CISTR: variants seen among roughly 807,000 people sequenced by gnomAD.
CISTR encodes chondrogenic regulator lncRNA.
At chr12:53,749,397 G>C (rs1937820747) in intron 2 of CISTR, among the ~76,000 whole-genome samples, 1 of 151,916 alleles carries the variant, frequency 6.6e-6, no homozygotes, top group Admixed American at 6.6e-5. Flanking sequence ...GCTGTTGAGA[G>C]GGAGGCAGAC....
chr12:53,753,902 C>T (rs555584734), intron 1 of CISTR, among the ~76,000 whole-genome samples: 15 of 152,014 alleles, frequency 9.9e-5, no homozygotes, highest in African/African-American at 3.6e-4. Context: ...GTAGCTCTAC[C>T]GTGACCCTGG....
At position 53,751,418 on chromosome 12, in the gene CISTR, C is replaced by G. The variant is rs779474696; in HGVS notation, n.415-453G>C. 6.6e-6 allele frequency among the ~76,000 whole-genome samples: 1 copy of G among 152,206 alleles called. No individual in the cohort carries two copies. The highest frequency in any genetic ancestry group is 1.5e-5 in the Non-Finnish European group (1 of 68,028). Reference sequence around the variant, plus strand: ...GCCCTGTCGCCTCCCACCCCCCTTCCGGCCGCGGCAGTTTCCGAAATCGCC... The same window carrying G: ...GCCCTGTCGCCTCCCACCCCCCTTCGGGCCGCGGCAGTTTCCGAAATCGCC... On this transcript the variant is annotated intron_variant and non_coding_transcript_variant, in intron 1 of 2. Transcript: ENST00000669269. This position sits in a 1 kb window ranked among gnomAD's most constrained non-coding sequence, Gnocchi z 4.6.
chr12:53,754,079 C>A (rs67715155), intron 1 of CISTR, among the ~76,000 whole-genome samples: 25,823 of 151,934 alleles, frequency 0.17, 2,204 homozygotes, highest in Non-Finnish European at 0.19. Context: ...CAGAAGTCCC[C>A]AAACACAAAG....
chr12:53,754,084 A>G lies in CISTR; in HGVS notation n.414+2730T>C, dbSNP rs369574679. Reference sequence around the variant, plus strand: ...GAGAGGCCTCCAGAAGTCCCCAAACACAAAGAGGGAGGAGATAGAGGTGGG... The same window carrying G: ...GAGAGGCCTCCAGAAGTCCCCAAACGCAAAGAGGGAGGAGATAGAGGTGGG... On this transcript the variant is annotated intron_variant and non_coding_transcript_variant, in intron 1 of 2. Coordinates refer to ENST00000669269, the Ensembl canonical transcript of CISTR. Among the ~76,000 whole-genome samples, 53 of 152,238 alleles carry G rather than the reference A, an allele frequency of 3.5e-4. No homozygotes were observed. In the East Asian group the frequency reaches 6.2e-3, roughly 18 times the overall value.
rs1310261574 is a variant in CISTR at position 53,751,691 on chromosome 12, G to A, written n.415-726C>T. On this transcript the variant is annotated intron_variant and non_coding_transcript_variant, in intron 1 of 2. Transcript: ENST00000669269. The surrounding 1 kb of genome is among the most constrained non-coding windows in gnomAD (Gnocchi z 4.6). Reference sequence around the variant, plus strand: ...GATCCGGGCCTGCAGGGTGCGGAGCGGGGGCGTCCCGGGGCGAGGGCAGCG... The same window carrying A: ...GATCCGGGCCTGCAGGGTGCGGAGCAGGGGCGTCCCGGGGCGAGGGCAGCG... 6 of 152,134 alleles carry A rather than the reference G, an allele frequency of 3.9e-5. No individual in the cohort carries two copies. The highest frequency in any genetic ancestry group is 7.3e-5 in the Non-Finnish European group (5 of 68,098). The allele number at this position is 152,134 out of a possible 1,614,324, so 9.4% of individuals were successfully genotyped here. A position where few individuals can be genotyped will look rare whatever the true frequency, so the allele number is the denominator to read the frequency against.
intron 1 of CISTR, among the ~76,000 whole-genome samples, chr12:53,752,971 A>G (rs1319413133): frequency 3.3e-5 from 5 of 151,602 alleles, no homozygotes; most frequent in Non-Finnish European, 7.4e-5. Flanking sequence ...CTAGGAGTCC[A>G]GCTCCCCCAA....
At chr12:53,755,585 C>T (rs945212191) in intron 1 of CISTR, among the ~76,000 whole-genome samples, 8 of 120,166 alleles carry the variant, frequency 6.7e-5, no homozygotes, top group African/African-American at 3.0e-4. Flanking sequence ...AATGACCCAG[C>T]TCCTGGCTTT....
At chr12:53,753,665 GGTGTGTGTGTGTGTGTGT>G (rs55769002) in intron 1 of CISTR, among the ~76,000 whole-genome samples, 1 of 141,224 alleles carries the variant, frequency 7.1e-6, no homozygotes, top group South Asian at 2.3e-4. Context: ...AATGCATAGG[GGTGTGTGTGTGTGTGTGT>G]GTGTGTGTGT....
chr12:53,753,052 T>TCACACA (rs760615546), intron 1 of CISTR, among the ~76,000 whole-genome samples: 7,223 of 121,060 alleles, frequency 0.06, 230 homozygotes, highest in Middle Eastern at 0.089. Flanking sequence ...CATCTATACA[T>TCACACA]CACACACACA....
exon 2 of CISTR, chr12:53,750,727 T>C (rs1699995486): frequency 6.5e-6 from 1 of 153,274 alleles, no homozygotes; most frequent in East Asian, 1.9e-4. Context: ...TGTTTCCATG[T>C]GGTCATGTGC....
rs1340893562 is a variant in CISTR, at chr12:53,751,803, C to T, written n.415-838G>A. On this transcript the variant is annotated intron_variant and non_coding_transcript_variant, in intron 1 of 2. Transcript: ENST00000669269. The surrounding 1 kb of genome is among the most constrained non-coding windows in gnomAD (Gnocchi z 4.6). ...TTCAGTGTCCTTGAGATGACGCTCC[C>T]TCCCCACACCAGAGCGGCCGGCTGG... 1 of 152,548 alleles carries T rather than the reference C, an allele frequency of 6.6e-6. No individual in the cohort carries two copies. The highest frequency in any genetic ancestry group is 1.5e-5 in the Non-Finnish European group (1 of 68,158). 9.4% of individuals were successfully genotyped at this position (152,548 alleles called of 1,614,324 possible).
At chr12:53,748,726 A>ACCAGGG (rs1191808385) in intron 2 of CISTR, among the ~76,000 whole-genome samples, 2 of 151,876 alleles carry the variant, frequency 1.3e-5, no homozygotes, top group East Asian at 1.9e-4. Context: ...CAGGGCCAGG[A>ACCAGGG]CCAGGGCCAG....
chr12:53,746,726 C>T (rs1256143924), exon 3 of CISTR, among the ~76,000 whole-genome samples: 1 of 152,208 alleles, frequency 6.6e-6, no homozygotes, highest in Admixed American at 6.5e-5. Context: ...CAGACAGCAT[C>T]CAGGGCCGAC....
intron 1 of CISTR, among the ~76,000 whole-genome samples, chr12:53,753,252 T>C (rs1937879082): frequency 6.6e-6 from 1 of 152,164 alleles, no homozygotes; most frequent in Non-Finnish European, 1.5e-5. Flanking sequence ...GCCCATTGTA[T>C]TGGGCACTGA....
At chr12:53,750,535 G>T (rs1419610560) in exon 2 of CISTR, 2 of 152,536 alleles carry the variant, frequency 1.3e-5, no homozygotes, top group Non-Finnish European at 2.9e-5. Flanking sequence ...GTGTGTGTGT[G>T]TGTGCACTCA....
chr12:53,752,679 TA>T (rs1937868239), intron 1 of CISTR, among the ~76,000 whole-genome samples: 1 of 152,188 alleles, frequency 6.6e-6, no homozygotes, highest in East Asian at 1.9e-4. Context: ...TCACAGACTT[TA>T]TAGGCCCCCC....
In CISTR at chr12:53,751,526, G is replaced by A. The variant is rs1411427886; in HGVS notation, n.415-561C>T. ...TTAATTAGGCCTGAACAATAAACAA[G>A]CTAAACGAGGCGCGCAGGACTCCCT... On this transcript the variant is annotated intron_variant and non_coding_transcript_variant, in intron 1 of 2. Transcript: ENST00000669269. This position sits in a 1 kb window ranked among gnomAD's most constrained non-coding sequence, Gnocchi z 4.6. 6.6e-6 allele frequency among the ~76,000 whole-genome samples: 1 copy of A among 152,166 alleles called. No individual in the cohort carries two copies. Among genetic ancestry groups the A allele is most frequent in the African/African-American group, 2.4e-5 (1 of 41,442 alleles).
rs1047104123 is a variant in CISTR at position 53,756,537 on chromosome 12, C to G, written n.414+277G>C. Among the ~76,000 whole-genome samples, 1 of 152,268 alleles carries G rather than the reference C, an allele frequency of 6.6e-6. No homozygotes were observed. Among genetic ancestry groups the G allele is most frequent in the African/African-American group, 2.4e-5 (1 of 41,554 alleles). On this transcript the variant is annotated intron_variant and non_coding_transcript_variant, in intron 1 of 2. Transcript: ENST00000669269. This position sits in a 1 kb window ranked among gnomAD's most constrained non-coding sequence, Gnocchi z 4.0. ...CCTTCCAAAGTGCTGGGATCACAGA[C>G]GTGAGCCACTGCACTTGGCCTCTTT...
chr12:53,746,588 T>C (rs1028067213), exon 3 of CISTR, among the ~76,000 whole-genome samples: 7 of 152,204 alleles, frequency 4.6e-5, no homozygotes, highest in Non-Finnish European at 2.9e-5. Context: ...AGGAGGGCGA[T>C]GGCATTTCAG....
Sources: allele counts gnomAD v4.1 joint callset (sites outside exome capture counted in the v4.1 genomes callset), GRCh38; gene constraint gnomAD v4.1.1; non-coding constraint Gnocchi (gnomAD v3.1); transcripts MANE v1.5; gene names NCBI Gene and HGNC (gene_info 2026-07-23, HGNC 2026-07-21).